The following NOS1AP variants were observed in gnomAD, a reference collection of about 807,000 sequenced individuals.
NOS1AP encodes the protein carboxyl-terminal PDZ ligand of neuronal nitric oxide synthase protein.
Under a neutral mutation model 56.2 loss-of-function variants are expected in NOS1AP, and 21 were observed. That is an observed-to-expected ratio of 0.37 (90% CI 0.26 to 0.54). The LOEUF is 0.54. NOS1AP is among the 20% of genes least tolerant of loss of function. The pLI, the probability that NOS1AP is intolerant of heterozygous loss-of-function variation, is 0.84. For synonymous variants in NOS1AP, 270 were observed against 274.6 expected (o/e 0.98, Z 0.17); for missense variants, 522 against 657.8 (o/e 0.79, Z 2.26).
At chr1:162,196,680 G>A (rs1651815800) in intron 2 of NOS1AP, among the ~76,000 whole-genome samples, 1 of 152,146 alleles carries the variant, frequency 6.6e-6, no homozygotes, top group African/African-American at 2.4e-5. Context: ...ATTGCCACAT[G>A]GACTGTGGAA....
intron 1 of NOS1AP, among the ~76,000 whole-genome samples, chr1:162,119,910 T>TG (rs933991057): frequency 1.3e-4 from 20 of 152,142 alleles, no homozygotes; most frequent in Non-Finnish European, 2.4e-4. Context: ...ACGGATGGCA[T>TG]GGGGGAGGCA....
intron 2 of NOS1AP, among the ~76,000 whole-genome samples, chr1:162,269,968 T>G (rs1300413700): frequency 1.3e-5 from 2 of 152,180 alleles, no homozygotes; most frequent in Non-Finnish European, 2.9e-5. Flanking sequence ...ATGATAAAAT[T>G]ACATGGGCCC....
At chr1:162,191,463 C>G (rs1329307802) in intron 2 of NOS1AP, among the ~76,000 whole-genome samples, 2 of 152,252 alleles carry the variant, frequency 1.3e-5, no homozygotes, top group Admixed American at 6.5e-5. Flanking sequence ...TCTCCACAAC[C>G]CATAGATCTG....
intron 2 of NOS1AP, among the ~76,000 whole-genome samples, chr1:162,173,858 G>T (rs913799556): frequency 2.6e-5 from 4 of 152,192 alleles, no homozygotes; most frequent in African/African-American, 9.7e-5. Flanking sequence ...ACCACAATGA[G>T]ATACCATCTC....
intron 3 of NOS1AP, among the ~76,000 whole-genome samples, chr1:162,288,910 TAC>T (rs1034373268): frequency 3.9e-5 from 6 of 152,236 alleles, no homozygotes; most frequent in African/African-American, 1.4e-4. Flanking sequence ...CACATGTATG[TAC>T]AGAGTGGACA....
rs983865118 is a variant in NOS1AP, at chr1:162,188,128, G to T, written c.177+33652G>T. 6.6e-6 allele frequency among the ~76,000 whole-genome samples: 1 copy of T among 152,120 alleles called. No individual in the cohort carries two copies. The highest frequency in any genetic ancestry group is 2.4e-5 in the African/African-American group (1 of 41,420). On this transcript the variant is annotated intron_variant, in intron 2 of 9. Transcript: ENST00000361897. This position sits in a 1 kb window ranked among gnomAD's most constrained non-coding sequence, Gnocchi z 4.0. ...TCCCATCTGCCTAGTAGGGAAAGTG[G>T]CTGGACTCTTGAAAACTGGGACCAA... is the stretch of plus-strand genomic sequence containing the variant.
At chr1:162,154,132 C>G (rs1390165765) in intron 1 of NOS1AP, among the ~76,000 whole-genome samples, 3 of 152,060 alleles carry the variant, frequency 2.0e-5, no homozygotes, top group African/African-American at 7.2e-5. Context: ...AGTCTTCACA[C>G]CCAAGGCTTT....
intron 2 of NOS1AP, among the ~76,000 whole-genome samples, chr1:162,228,428 A>G (rs1267575919): frequency 6.6e-6 from 1 of 152,224 alleles, no homozygotes; most frequent in African/African-American, 2.4e-5. Flanking sequence ...ATCAGATGCC[A>G]CTTTTCCCTC....
At chr1:162,074,619 A>T (rs531227142) in intron 1 of NOS1AP, among the ~76,000 whole-genome samples, 41 of 152,302 alleles carry the variant, frequency 2.7e-4, no homozygotes, top group African/African-American at 9.4e-4. Context: ...ATCACTTCAA[A>T]ACAAACGACC....
chr1:162,277,448 T>G (rs979516357), intron 2 of NOS1AP, among the ~76,000 whole-genome samples: 3 of 152,240 alleles, frequency 2.0e-5, no homozygotes, highest in Admixed American at 6.5e-5. Context: ...ACTGGGGCCA[T>G]CAGTTCTGCC....
intron 2 of NOS1AP, among the ~76,000 whole-genome samples, chr1:162,280,924 C>G (rs1244018781): frequency 6.6e-6 from 1 of 152,124 alleles, no homozygotes; most frequent in Non-Finnish European, 1.5e-5. Context: ...ATCAACAATA[C>G]AAGACACATC....
rs528717035 is a variant in NOS1AP at position 162,262,801 on chromosome 1, A to T, written c.178-24543A>T. Among the ~76,000 whole-genome samples, 34 of 152,314 alleles carry T rather than the reference A, an allele frequency of 2.2e-4. 1 individual carries two copies. The highest frequency in any genetic ancestry group is 4.4e-4 in the Non-Finnish European group (30 of 68,020). ...AGCTACTAGTAATCTTAATGTGAAA[A>T]ACAACATTTAACCAGACTCATTTAT... On this transcript the variant is annotated intron_variant, in intron 2 of 9. Transcript: ENST00000361897.
At chr1:162,108,740 G>A (rs1647602732) in intron 1 of NOS1AP, among the ~76,000 whole-genome samples, 1 of 151,948 alleles carries the variant, frequency 6.6e-6, no homozygotes, top group South Asian at 2.1e-4. Context: ...TTATACAGGG[G>A]GCAGAGGAAT....
chr1:162,214,956 T>C (rs73017364), intron 2 of NOS1AP, among the ~76,000 whole-genome samples: 20,457 of 152,194 alleles, frequency 0.13, 1,578 homozygotes, highest in South Asian at 0.2. Flanking sequence ...CCTTTCTCCC[T>C]GCCAGGCTAC....
At chr1:162,101,410 A>G (rs1003098514) in intron 1 of NOS1AP, among the ~76,000 whole-genome samples, 8 of 152,160 alleles carry the variant, frequency 5.3e-5, no homozygotes, top group Non-Finnish European at 1.0e-4. Context: ...TGTCTTGGCT[A>G]TTTGGGTTCT....
chr1:162,151,013 G>T (rs1371259885), intron 1 of NOS1AP, among the ~76,000 whole-genome samples: 2 of 152,184 alleles, frequency 1.3e-5, no homozygotes, highest in Non-Finnish European at 2.9e-5. Flanking sequence ...TGCTCATGGG[G>T]TATTACTCAA....
chr1:162,089,854 C>T (rs114476642), intron 1 of NOS1AP, among the ~76,000 whole-genome samples: 146 of 152,246 alleles, frequency 9.6e-4, no homozygotes, highest in Non-Finnish European at 1.2e-3. Flanking sequence ...TGATTTAGGC[C>T]CAGTGAAACT....
intron 2 of NOS1AP, among the ~76,000 whole-genome samples, chr1:162,186,204 G>A (rs3927638): frequency 0.47 from 70,505 of 151,616 alleles, 17,971 homozygotes; most frequent in East Asian, 0.75. Context: ...ACGTTATAAT[G>A]CATGTCACTG....
intron 8 of NOS1AP, among the ~76,000 whole-genome samples, chr1:162,362,050 A>T (rs557427014): frequency 2.0e-5 from 3 of 152,344 alleles, no homozygotes; most frequent in Middle Eastern, 3.4e-3. Context: ...GAGAGAAGTG[A>T]GTTGTCTACA....
Sources: gnomAD v4.1 joint callset for allele counts (sites outside exome capture counted in the v4.1 genomes callset) on GRCh38, gnomAD v4.1.1 for gene constraint, Gnocchi (gnomAD v3.1) non-coding constraint, MANE v1.5 for transcripts, NCBI Gene and HGNC (gene_info 2026-07-23, HGNC 2026-07-21) for gene names.